BTBD7: variants seen among roughly 807,000 people sequenced by gnomAD.
BTBD7 encodes BTB/POZ domain-containing protein 7.
A neutral mutation model predicts 99.9 loss-of-function variants in BTBD7; 38 were observed. That is an observed-to-expected ratio of 0.38 (90% CI 0.29 to 0.50). The LOEUF is 0.50. Among genes scored for constraint, BTBD7 ranks in the 20% least tolerant of loss-of-function variants. The pLI is 0.93. For synonymous variants in BTBD7, 520 were observed against 511.4 expected (o/e 1.02, Z -0.23); for missense variants, 1,170 against 1,394.6 (o/e 0.84, Z 2.57).
chr14:93,263,578 A>G (rs1353228752), intron 4 of BTBD7, among the ~76,000 whole-genome samples: 2 of 152,194 alleles, frequency 1.3e-5, no homozygotes. Flanking sequence ...GGCTTGTTCA[A>G]TGTTGAGTCA....
chr14:93,300,161 C>T (rs1456396769), intron 1 of BTBD7, among the ~76,000 whole-genome samples: 3 of 151,756 alleles, frequency 2.0e-5, no homozygotes, highest in African/African-American at 2.4e-5. Context: ...GTATCTGTAA[C>T]ATAAGAACGT....
Position 93,294,652 on chromosome 14 carries a change from G to T in BTBD7, c.368C>A (p.Pro123Gln), listed in dbSNP as rs1231449991. The T allele has an allele frequency of 1.9e-6, 3 of 1,614,088 alleles. No homozygotes were observed. Among genetic ancestry groups the T allele is most frequent in the Non-Finnish European group, 2.5e-6 (3 of 1,180,030 alleles). Residue 123 changes from proline to glutamine, a missense_variant, in exon 3 of 11, where the codon CCA (proline) becomes CAA (glutamine). Pro to Gln is a moderately conservative substitution (Grantham distance 76). This residue lies in a region of BTBD7 where 359 missense variants were observed against 497.9 expected (regional missense o/e 0.72). Transcript: ENST00000334746. ...ATCTTTCTGCAATGTCCGGGCTTCT[G>T]GTCTAGCCAAACTGGCTTGTAGAGA... ...ELSLQASLAR[P>Q]EARTLQKDMA...
intron 1 of BTBD7, among the ~76,000 whole-genome samples, chr14:93,329,819 A>T (rs1263317740): frequency 6.6e-6 from 1 of 152,206 alleles, no homozygotes; most frequent in African/African-American, 2.4e-5. Flanking sequence ...CGGTTTAGAA[A>T]TATGTAGTCA....
chr14:93,324,287 A>G (rs972568945), intron 1 of BTBD7, among the ~76,000 whole-genome samples: 1 of 152,074 alleles, frequency 6.6e-6, no homozygotes, highest in African/African-American at 2.4e-5. Context: ...TAATTTTTTT[A>G]AAGTAGCCAG....
At chr14:93,297,229 CTGTT>C (rs2052939789) in intron 1 of BTBD7, among the ~76,000 whole-genome samples, 1 of 152,226 alleles carries the variant, frequency 6.6e-6, no homozygotes, top group Non-Finnish European at 1.5e-5. Context: ...ATTTTCATCT[CTGTT>C]AGTGACACAG....
chr14:93,307,394 G>C (rs1445506502), intron 1 of BTBD7, among the ~76,000 whole-genome samples: 3 of 152,168 alleles, frequency 2.0e-5, no homozygotes, highest in Admixed American at 1.3e-4. Flanking sequence ...GGTCTCAAAT[G>C]ATCCTCCTGC....
At chr14:93,308,377 G>A (rs183166531) in intron 1 of BTBD7, among the ~76,000 whole-genome samples, 110 of 151,936 alleles carry the variant, frequency 7.2e-4, no homozygotes, top group African/African-American at 2.3e-3. Context: ...GGATCACAGC[G>A]TACATATACC....
In BTBD7 at chr14:93,293,986, C is replaced by A. The variant is rs760979901; in HGVS notation, c.1034G>T (p.Ser345Ile). The stretch of plus-strand genomic sequence containing the variant: ...TTCACTGAGACTCCCCACAGAGGGG[C>A]TACAGTGCAAAACAGAGAGGTCCAC... The part of the protein sequence containing the change: ...DVVDLSVLHC[S>I]PSVGSLSEVQ... Residue 345 changes from serine to isoleucine, a missense_variant, in exon 3 of 11, where the codon AGC becomes ATC. Transcript: ENST00000334746. 6.2e-7 allele frequency: 1 copy of A among 1,613,830 alleles called. No homozygotes were observed. The highest frequency in any genetic ancestry group is 8.5e-7 in the Non-Finnish European group (1 of 1,179,856).
intron 3 of BTBD7, among the ~76,000 whole-genome samples, chr14:93,281,782 T>C (rs550810079): frequency 6.6e-6 from 1 of 152,202 alleles, no homozygotes; most frequent in Non-Finnish European, 1.5e-5. Context: ...GGGAAAAGCA[T>C]TGGTAGTAGA....
At chr14:93,280,849 CTTTT>C (rs564620800) in intron 3 of BTBD7, among the ~76,000 whole-genome samples, 2 of 141,776 alleles carry the variant, frequency 1.4e-5, no homozygotes, top group African/African-American at 5.2e-5. Context: ...AAAAAGGCAC[CTTTT>C]TTTTTTTTTT....
At chr14:93,308,650 T>TA (rs1334299839) in intron 1 of BTBD7, among the ~76,000 whole-genome samples, 29 of 152,170 alleles carry the variant, frequency 1.9e-4, no homozygotes, top group African/African-American at 7.0e-4. Flanking sequence ...GGTGTATACA[T>TA]AGAGTAGATT....
rs574789147 is a variant in BTBD7 at position 93,273,804 on chromosome 14, T to C, written c.1163-9811A>G. Among the ~76,000 whole-genome samples, 14 of 152,316 alleles carry C rather than the reference T, an allele frequency of 9.2e-5. 1 individual carries two copies. Among genetic ancestry groups the C allele is most frequent in the African/African-American group, 3.1e-4 (13 of 41,574 alleles). ...GGATCATGTTCCCAGCACAGTCTGA[T>C]TGGGAAAATACAGTCCCTGTTCTGG... On this transcript the variant is annotated intron_variant, in intron 3 of 10. Coordinates refer to ENST00000334746, the MANE Select transcript of BTBD7 (RefSeq NM_001002860.4).
intron 3 of BTBD7, 67 bp downstream of exon 3, chr14:93,293,791 T>C: frequency 1.3e-6 from 2 of 1,522,032 alleles, no homozygotes; most frequent in South Asian, 2.7e-5. Context: ...ATATACTGGT[T>C]GTGTTTTCAA....
chr14:93,298,554 A>G (rs2052956972), intron 1 of BTBD7, among the ~76,000 whole-genome samples: 1 of 152,224 alleles, frequency 6.6e-6, no homozygotes, highest in Non-Finnish European at 1.5e-5. Context: ...AAGCTATCTC[A>G]TTATGTAGAC....
At chr14:93,312,590 CCTT>C (rs1312940788) in intron 1 of BTBD7, among the ~76,000 whole-genome samples, 3 of 152,168 alleles carry the variant, frequency 2.0e-5, no homozygotes, top group Non-Finnish European at 2.9e-5. Context: ...GAGATTCCCT[CCTT>C]GTCTATAAGG....
At chr14:93,325,417 C>T (rs998655621) in intron 1 of BTBD7, among the ~76,000 whole-genome samples, 1 of 136,928 alleles carries the variant, frequency 7.3e-6, no homozygotes, top group African/African-American at 3.1e-5. Flanking sequence ...TGTGAGCCAT[C>T]GTGTCTGGCC....
chr14:93,321,019 C>T (rs534842792), intron 1 of BTBD7, among the ~76,000 whole-genome samples: 1 of 152,070 alleles, frequency 6.6e-6, no homozygotes, highest in African/African-American at 2.4e-5. Context: ...GATACCGTTA[C>T]GCAGTATAGG....
chr14:93,244,092 G>A, intron 10 of BTBD7: 4 of 482,344 alleles, frequency 8.3e-6, no homozygotes, highest in Admixed American at 2.1e-5. Flanking sequence ...AGTAGAGGAA[G>A]GGCAAGGATT....
intron 1 of BTBD7, among the ~76,000 whole-genome samples, chr14:93,311,740 T>A (rs561986383): frequency 2.8e-4 from 37 of 129,938 alleles, no homozygotes; most frequent in African/African-American, 1.2e-3. Context: ...ATGAAAATAT[T>A]TTTAATTTTT....
Sources: gnomAD v4.1 joint callset for allele counts (sites outside exome capture counted in the v4.1 genomes callset) on GRCh38, gnomAD v4.1.1 for gene constraint, gnomAD v4.1.1 regional missense constraint, MANE v1.5 for transcripts, NCBI Gene and HGNC (gene_info 2026-07-23, HGNC 2026-07-21) for gene names.